ITGA6: variants seen among roughly 807,000 people sequenced by gnomAD.
The protein encoded by ITGA6 is integrin subunit alpha 6.
A neutral mutation model predicts 133.6 loss-of-function variants in ITGA6; 63 were observed. The ratio of observed to expected loss-of-function variants is 0.47; its 90% CI spans 0.38 to 0.58. ITGA6 has a LOEUF of 0.58. Among genes scored for constraint, ITGA6 ranks in the 20% least tolerant of loss-of-function variants. The probability of loss-of-function intolerance (pLI) is 0.00; values close to 1 mark genes in which losing one functional copy is unlikely to be tolerated. For missense variants in ITGA6, 1,068 were observed against 1,309.4 expected, an observed-to-expected ratio of 0.82 and a Z score of 2.85; for synonymous variants, 434 against 482.0, an observed-to-expected ratio of 0.90 and a Z score of 1.30.
At chr2:172,434,532 T>C (rs992553849) in intron 1 of ITGA6, among the ~76,000 whole-genome samples, 2 of 152,200 alleles carry the variant, frequency 1.3e-5, no homozygotes, top group African/African-American at 4.8e-5. Flanking sequence ...GATTCCAACG[T>C]TGGATCCCAC....
chr2:172,472,767 C>T (rs16860497), intron 5 of ITGA6: 207,775 of 1,565,464 alleles, frequency 0.13, 24,909 homozygotes, highest in East Asian at 0.71. Context: ...CCCGTGCATG[C>T]GTACAGGCCT....
At chr2:172,473,670 C>G (rs973046613) in intron 5 of ITGA6, among the ~76,000 whole-genome samples, 6 of 152,186 alleles carry the variant, frequency 3.9e-5, no homozygotes, top group Non-Finnish European at 8.8e-5. Flanking sequence ...TATATATTCT[C>G]TGTGTATATG....
rs182355412 is a variant in ITGA6 at position 172,484,675 on chromosome 2, T to A, written c.1550-107T>A. On this transcript the variant is annotated intron_variant, in intron 11 of 25. Coordinates refer to ENST00000684293, the MANE Select transcript of ITGA6 (RefSeq NM_000210.4). Reference sequence around the variant, plus strand: ...TACCAGGAAATATGAAGAGAAACAATGGCAATGTTTTCTACAAGGAATTAA... The same window carrying A: ...TACCAGGAAATATGAAGAGAAACAAAGGCAATGTTTTCTACAAGGAATTAA... The A allele has an allele frequency of 8.8e-6, 8 of 908,368 alleles. No homozygotes were observed. In the African/African-American group the frequency reaches 1.3e-4, roughly 15 times the overall value. 56.3% of individuals were successfully genotyped at this position (908,368 alleles called of 1,614,324 possible).
chr2:172,491,034 A>G lies in ITGA6; in HGVS notation c.2690A>G (p.Asn897Ser). 6.4e-7 allele frequency: 1 copy of G among 1,559,420 alleles called. No individual in the cohort carries two copies. Among genetic ancestry groups the G allele is most frequent in the Non-Finnish European group, 8.8e-7 (1 of 1,131,282 alleles). ...TATAATTTTTTTCAGGAGTCTCACA[A>G]CTCAAGAAAGAAACGGGAAATTACT... ...INSLNLTESH[N>S]SRKKREITEK... The change falls in exon 21 of 26, where the codon AAC becomes AGC. Residue 897 changes from asparagine to serine, a missense_variant. Physicochemically the swap from Asn to Ser is conservative, Grantham distance 46. Coordinates refer to ENST00000684293, the MANE Select transcript of ITGA6 (RefSeq NM_000210.4). This position sits in a 1 kb window ranked among gnomAD's most constrained non-coding sequence, Gnocchi z 4.4.
Position 172,488,030 on chromosome 2 carries a change from G to T in ITGA6, c.2394G>T (p.Ser798=), listed in dbSNP as rs371152030. The change falls in exon 18 of 26, where the codon TCG becomes TCT. Residue 798 remains serine, a synonymous_variant. Transcript: ENST00000684293. ...KAKVVIELLL[S]VSGVAKPSQV... is the part of the protein sequence containing the mutation. ...AAGTGGTTATTGAACTGCTTTTATC[G>T]GTCTCGGGGTAAGTGTTTGTGTTTA... The T allele has an allele frequency of 6.2e-7, 1 of 1,613,656 alleles. No homozygotes were observed. Among genetic ancestry groups the T allele is most frequent in the Non-Finnish European group, 8.5e-7 (1 of 1,179,678 alleles).
intron 1 of ITGA6, among the ~76,000 whole-genome samples, chr2:172,443,843 C>T (rs74994420): frequency 0.075 from 11,465 of 152,262 alleles, 1,315 homozygotes; most frequent in East Asian, 0.52. Context: ...GGTGCACTCA[C>T]GGGTTACTGC....
rs3749148 is a variant in ITGA6, at chr2:172,465,821, T to G, written c.307+158T>G. ...TTTATTTGCCCTGAAAATATTTACT[T>G]ACTTTACTTCTGAATCATACTGGGA... On this transcript the variant is annotated intron_variant, in intron 2 of 25. Transcript: ENST00000684293. 129,336 of 1,050,410 alleles carry G rather than the reference T, an allele frequency of 0.12. 15,765 individuals are homozygous for G. Among genetic ancestry groups the G allele is most frequent in the East Asian group, 0.55 (22,028 of 40,312 alleles). The allele number at this position is 1,050,410 out of a possible 1,614,324, so 65.1% of individuals were successfully genotyped here.
intron 9 of ITGA6, among the ~76,000 whole-genome samples, chr2:172,476,743 A>G (rs959132772): frequency 2.6e-5 from 4 of 152,242 alleles, no homozygotes; most frequent in African/African-American, 7.2e-5. Context: ...TTTACTTCAT[A>G]TATTTTTAAA....
Position 172,487,380 on chromosome 2 carries a change from A to G in ITGA6, c.2087A>G (p.His696Arg). The G allele has an allele frequency of 6.2e-7, 1 of 1,614,176 alleles. No individual in the cohort carries two copies. Residue 696 changes from histidine to arginine, a missense_variant, in exon 15 of 26, where the codon CAT becomes CGT. By Grantham distance (29) the His-to-Arg change is conservative (BLOSUM62 0). Around this residue, in one of 3 missense-constraint regions of ITGA6, gnomAD observed 609 missense variants for 707.2 expected, o/e 0.86. Coordinates refer to ENST00000684293, the MANE Select transcript of ITGA6 (RefSeq NM_000210.4). Reference protein sequence around the residue: ...RNPTKDGDDAHEAKLIATFPD... With the variant: ...RNPTKDGDDAREAKLIATFPD... Reference sequence around the variant, plus strand: ...CCCACAAAAGATGGCGATGACGCCCATGAGGCTAAACTGATTGCAACGTTT... The same window carrying G: ...CCCACAAAAGATGGCGATGACGCCCGTGAGGCTAAACTGATTGCAACGTTT...
At chr2:172,476,976 C>T (rs952365371) in intron 9 of ITGA6, among the ~76,000 whole-genome samples, 2 of 152,170 alleles carry the variant, frequency 1.3e-5, no homozygotes, top group Non-Finnish European at 2.9e-5. Flanking sequence ...ACATAGTAGA[C>T]TTTTCCTATG....
chr2:172,451,551 A>G (rs1685005365), intron 1 of ITGA6, among the ~76,000 whole-genome samples: 1 of 151,978 alleles, frequency 6.6e-6, no homozygotes, highest in Non-Finnish European at 1.5e-5. Flanking sequence ...ATGAGATGTT[A>G]AGTGGAAATG....
chr2:172,494,277 C>A (rs1687038391), intron 23 of ITGA6, among the ~76,000 whole-genome samples: 1 of 152,164 alleles, frequency 6.6e-6, no homozygotes, highest in Non-Finnish European at 1.5e-5. Context: ...GAGGCCAAGG[C>A]AGGCGGATTG....
At chr2:172,483,670 A>G (rs1303400874) in intron 11 of ITGA6, among the ~76,000 whole-genome samples, 3 of 152,182 alleles carry the variant, frequency 2.0e-5, no homozygotes, top group African/African-American at 7.2e-5. Context: ...TCCAGGTTCC[A>G]TTAGTGTAGG....
chr2:172,455,000 T>C (rs1377396442), intron 1 of ITGA6, among the ~76,000 whole-genome samples: 5 of 151,702 alleles, frequency 3.3e-5, no homozygotes, highest in African/African-American at 1.2e-4. Flanking sequence ...AAAATAAAAG[T>C]TAAAAAAAAG....
chr2:172,502,159 T>C (rs2149105564), intron 25 of ITGA6, among the ~76,000 whole-genome samples: 1 of 152,320 alleles, frequency 6.6e-6, no homozygotes, highest in South Asian at 2.1e-4. Flanking sequence ...TGAAGAAAAT[T>C]TGCAATATTT....
chr2:172,465,759 A>C, intron 2 of ITGA6, 96 bp downstream of exon 2: 1 of 1,509,850 alleles, frequency 6.6e-7, no homozygotes, highest in Non-Finnish European at 9.2e-7. Context: ...ATTCTTGTAG[A>C]GAGGACTTCT....
chr2:172,449,307 T>C (rs1210993023), intron 1 of ITGA6, among the ~76,000 whole-genome samples: 3 of 152,208 alleles, frequency 2.0e-5, no homozygotes, highest in African/African-American at 7.2e-5. Flanking sequence ...TTTGTAATTA[T>C]AGAATGTCCT....
In ITGA6 at chr2:172,442,338, C is replaced by CT. The variant is rs1254225362; in HGVS notation, c.182+14369dup. ...CATCCAGGACTAAAGCATTTGGACCCTGCAGCTATTTATAAACAGCACTTT... is the reference window on the plus strand; with the variant it reads ...CATCCAGGACTAAAGCATTTGGACCCTTGCAGCTATTTATAAACAGCACTTT... On this transcript the variant is annotated intron_variant, in intron 1 of 25. Transcript: ENST00000684293. 2.8e-4 allele frequency among the ~76,000 whole-genome samples: 42 copies of CT among 152,210 alleles called. 1 individual carries two copies.
intron 6 of ITGA6, among the ~76,000 whole-genome samples, 166 bp from the exon 7 acceptor site, chr2:172,474,763 C>A (rs930739227): frequency 1.3e-5 from 2 of 152,072 alleles, no homozygotes; most frequent in Non-Finnish European, 2.9e-5. Flanking sequence ...TTTCTTGGGG[C>A]GTTTATTATA....
Sources: gnomAD v4.1 joint callset for allele counts (sites outside exome capture counted in the v4.1 genomes callset) on GRCh38, gnomAD v4.1.1 for gene constraint, gnomAD v4.1.1 regional missense constraint, Gnocchi (gnomAD v3.1) non-coding constraint, MANE v1.5 for transcripts, NCBI Gene and HGNC (gene_info 2026-07-23, HGNC 2026-07-21) for gene names.